GRIA4: variants seen among roughly 807,000 people sequenced by gnomAD.
GRIA4 encodes the protein glutamate ionotropic receptor AMPA type subunit 4.
A neutral mutation model predicts 104.0 loss-of-function variants in GRIA4; 34 were observed. The observed-to-expected ratio is 0.33, with a 90% CI of 0.25 to 0.44. The LOEUF (loss-of-function observed/expected upper bound fraction) is 0.44, where lower values mean the gene tolerates loss of function less well. Among genes scored for constraint, GRIA4 ranks in the 20% least tolerant of loss-of-function variants. The pLI is 1.00. For synonymous variants in GRIA4, 386 were observed against 381.9 expected, an observed-to-expected ratio of 1.01 and a Z score of -0.13; for missense variants, 750 against 1,096.5, an observed-to-expected ratio of 0.68 and a Z score of 4.46.
chr11:105,911,983 A>C, intron 10 of GRIA4: 1 of 1,440,110 alleles, frequency 6.9e-7, no homozygotes, highest in South Asian at 1.4e-5. Flanking sequence ...AGTGTAGTAA[A>C]TTTAAGCTTA....
At chr11:105,681,945 A>C (rs938142853) in intron 3 of GRIA4, among the ~76,000 whole-genome samples, 1 of 152,056 alleles carries the variant, frequency 6.6e-6, no homozygotes, top group Non-Finnish European at 1.5e-5. Context: ...AGGAGGCTGA[A>C]GCAGGAGAAT....
rs35052860 is a variant in GRIA4, at chr11:105,900,953, A to AAT, written c.885+2543_885+2544dup. On this transcript the variant is annotated intron_variant, in intron 7 of 16. Transcript: ENST00000282499. Reference sequence around the variant, plus strand: ...CACTGTACATTTAAAAAGAACTAAAAATATATATATATATATATTTTGTAA... The same window carrying AAT: ...CACTGTACATTTAAAAAGAACTAAAAATATATATATATATATATATTTTGTAA... 3.3e-3 allele frequency among the ~76,000 whole-genome samples: 499 copies of AAT among 149,694 alleles called. 3 individuals carry two copies. The highest frequency in any genetic ancestry group is 0.026 in the East Asian group (134 of 5,116).
At position 105,694,383 on chromosome 11, in the gene GRIA4, G is replaced by A. The variant is rs559339369; in HGVS notation, c.248-58598G>A. ...AGGATGGTCTTGATCTCTTGACCTC[G>A]TGATCCACCCACCTCGGCCTCCCAA... On this transcript the variant is annotated intron_variant, in intron 3 of 16. Transcript: ENST00000282499. Among the ~76,000 whole-genome samples, 236 of 152,112 alleles carry A rather than the reference G, an allele frequency of 1.6e-3. 1 individual carries two copies. Among genetic ancestry groups the A allele is most frequent in the African/African-American group, 5.4e-3 (223 of 41,504 alleles).
At chr11:105,645,069 G>A (rs573400420) in intron 3 of GRIA4, among the ~76,000 whole-genome samples, 2 of 152,242 alleles carry the variant, frequency 1.3e-5, no homozygotes, top group Admixed American at 6.5e-5. Context: ...GGCTGAAGAG[G>A]CGCAATACGA....
intron 3 of GRIA4, among the ~76,000 whole-genome samples, chr11:105,736,667 G>T (rs1001992864): frequency 6.6e-5 from 10 of 151,572 alleles, no homozygotes; most frequent in Non-Finnish European, 1.5e-4. Flanking sequence ...TCTTTTTATT[G>T]TATTAGCTAC....
At chr11:105,652,701 TAATC>T (rs955149170) in intron 3 of GRIA4, among the ~76,000 whole-genome samples, 1 of 152,146 alleles carries the variant, frequency 6.6e-6, no homozygotes. Flanking sequence ...TTCAGGGTGT[TAATC>T]AATCAATTAT....
chr11:105,678,152 T>C (rs1431530219), intron 3 of GRIA4, among the ~76,000 whole-genome samples: 1 of 152,076 alleles, frequency 6.6e-6, no homozygotes, highest in Non-Finnish European at 1.5e-5. Flanking sequence ...AAAAAGATTG[T>C]ACTATATGTA....
chr11:105,718,438 T>G (rs1340655662), intron 3 of GRIA4, among the ~76,000 whole-genome samples: 1 of 152,204 alleles, frequency 6.6e-6, no homozygotes, highest in Non-Finnish European at 1.5e-5. Context: ...TCAGCTGTTG[T>G]GATGCTTTGC....
chr11:105,704,659 C>G (rs961424174), intron 3 of GRIA4, among the ~76,000 whole-genome samples: 7 of 151,786 alleles, frequency 4.6e-5, no homozygotes, highest in Non-Finnish European at 7.4e-5. Context: ...GTGAAAATAC[C>G]TTTTACAATT....
At chr11:105,706,890 T>C (rs1306571845) in intron 3 of GRIA4, 1 of 152,298 alleles carries the variant, frequency 6.6e-6, no homozygotes, top group Non-Finnish European at 1.5e-5. Context: ...ACTGAAGGCC[T>C]TAAGTTTGAT....
chr11:105,925,301 AC>A (rs1447053154), intron 12 of GRIA4, among the ~76,000 whole-genome samples: 1 of 152,088 alleles, frequency 6.6e-6, no homozygotes, highest in Non-Finnish European at 1.5e-5. Flanking sequence ...CAAAAAGCCA[AC>A]CATGCAAACA....
At chr11:105,769,567 A>G (rs1480553184) in intron 4 of GRIA4, among the ~76,000 whole-genome samples, 2 of 152,084 alleles carry the variant, frequency 1.3e-5, no homozygotes, top group African/African-American at 4.8e-5. Flanking sequence ...AATGTCAGAT[A>G]GTGAATATCC....
chr11:105,839,544 T>C (rs1036716442), intron 4 of GRIA4, among the ~76,000 whole-genome samples: 42 of 152,064 alleles, frequency 2.8e-4, no homozygotes, highest in African/African-American at 9.9e-4. Context: ...AACACATATT[T>C]CTGTGTGTTT....
chr11:105,799,471 T>A (rs1942623993), intron 4 of GRIA4, among the ~76,000 whole-genome samples: 1 of 151,942 alleles, frequency 6.6e-6, no homozygotes. Flanking sequence ...GGTGATGCAA[T>A]AATCAACAAA....
chr11:105,881,197 G>A lies in GRIA4; in HGVS notation c.673-6322G>A, dbSNP rs1946043313. ...ACTTAGGAATCATGTCATTTGTTGG[G>A]CAAGGGAGTTGGAGTACTTATGTAC... On this transcript the variant is annotated intron_variant, in intron 5 of 16. Coordinates refer to ENST00000282499, the MANE Select transcript of GRIA4 (RefSeq NM_000829.4). 5.3e-5 allele frequency among the ~76,000 whole-genome samples: 8 copies of A among 152,268 alleles called. No homozygotes were observed. In the South Asian group the frequency reaches 1.7e-3, roughly 32 times the overall value.
intron 3 of GRIA4, among the ~76,000 whole-genome samples, chr11:105,680,621 T>G (rs1952678892): frequency 6.6e-6 from 1 of 152,166 alleles, no homozygotes; most frequent in Non-Finnish European, 1.5e-5. Context: ...GACTGTGGTC[T>G]GTAATGGGGT....
intron 3 of GRIA4, among the ~76,000 whole-genome samples, chr11:105,660,277 G>A (rs1281245065): frequency 6.6e-6 from 1 of 151,690 alleles, no homozygotes; most frequent in African/African-American, 2.4e-5. Flanking sequence ...AAAGGATAAA[G>A]AGCAGGTGCT....
chr11:105,825,796 C>G (rs1353819198), intron 4 of GRIA4, among the ~76,000 whole-genome samples: 1 of 152,030 alleles, frequency 6.6e-6, no homozygotes, highest in Non-Finnish European at 1.5e-5. Context: ...ATTTGTGGCT[C>G]TTTTGAATTG....
intron 6 of GRIA4, among the ~76,000 whole-genome samples, chr11:105,888,576 A>G (rs1258586): frequency 0.17 from 26,400 of 151,144 alleles, 2,430 homozygotes; most frequent in Admixed American, 0.24. Context: ...GTGAGCCACC[A>G]CGCCCGGCCT....
Sources: allele counts gnomAD v4.1 joint callset (sites outside exome capture counted in the v4.1 genomes callset), GRCh38; gene constraint gnomAD v4.1.1; transcripts MANE v1.5; gene names NCBI Gene and HGNC (gene_info 2026-07-23, HGNC 2026-07-21).